The following TRIM33 variants were observed in gnomAD, a reference collection of about 807,000 sequenced individuals.
TRIM33 encodes E3 ubiquitin-protein ligase TRIM33.
A neutral mutation model predicts 125.4 loss-of-function variants in TRIM33; 20 were observed. The observed-to-expected ratio is 0.16, with a 90% CI of 0.11 to 0.23. TRIM33 has a LOEUF of 0.23. Ranked by LOEUF, TRIM33 falls within the 10% of genes least tolerant of loss-of-function variation. TRIM33 has a pLI of 1.00. For synonymous variants in TRIM33, 564 were observed against 513.9 expected, an observed-to-expected ratio of 1.10 and a Z score of -1.32; for missense variants, 920 against 1,411.4, an observed-to-expected ratio of 0.65 and a Z score of 5.58.
At position 114,393,072 on chromosome 1, in the gene TRIM33, G is replaced by C. The variant is rs1651364500; in HGVS notation, c.*4576C>G. 4.9e-6 allele frequency: 1 copy of C among 202,338 alleles called. No homozygotes were observed. The highest frequency in any genetic ancestry group is 2.3e-5 in the African/African-American group (1 of 43,644). 12.5% of individuals were successfully genotyped at this position (202,338 alleles called of 1,614,324 possible). On this transcript the variant is annotated 3_prime_UTR_variant, in exon 20 of 20. Transcript: ENST00000358465. The stretch of plus-strand genomic sequence containing the variant: ...ATACCACAGAAACAGCACTTTTTAA[G>C]AATCATATTGAAGGGCAGTTAACTA...
chr1:114,483,553 A>C (rs1159158237), intron 1 of TRIM33, among the ~76,000 whole-genome samples: 11 of 151,812 alleles, frequency 7.2e-5, no homozygotes, highest in African/African-American at 2.7e-4. Context: ...CTGCAACTAC[A>C]GGCACCCACC....
At chr1:114,443,385 A>AAATGAATG (rs372157103) in intron 4 of TRIM33, among the ~76,000 whole-genome samples, 12,502 of 149,912 alleles carry the variant, frequency 0.083, 701 homozygotes, top group African/African-American at 0.16. Context: ...CTCCATCTCA[A>AAATGAATG]AATGAATGAA....
chr1:114,440,516 A>G (rs1444214640), intron 4 of TRIM33, among the ~76,000 whole-genome samples: 1 of 152,240 alleles, frequency 6.6e-6, no homozygotes, highest in Non-Finnish European at 1.5e-5. Context: ...TATTTAAAGA[A>G]TAAAACACAG....
chr1:114,461,562 T>C (rs1232648851), intron 4 of TRIM33, among the ~76,000 whole-genome samples: 2 of 151,576 alleles, frequency 1.3e-5, no homozygotes, highest in Admixed American at 6.6e-5. Flanking sequence ...AAAAAAAACA[T>C]TTTTTTTAAA....
At chr1:114,486,580 A>C (rs1316766535) in intron 1 of TRIM33, among the ~76,000 whole-genome samples, 1 of 151,236 alleles carries the variant, frequency 6.6e-6, no homozygotes, top group Non-Finnish European at 1.5e-5. Flanking sequence ...AAAAACCAAA[A>C]ATTTAAAACT....
intron 1 of TRIM33, among the ~76,000 whole-genome samples, chr1:114,480,513 C>A (rs1435698297): frequency 2.9e-5 from 3 of 101,826 alleles, no homozygotes; most frequent in African/African-American, 6.1e-5. Context: ...AAAGGCCCTG[C>A]CCCGCCTTAA....
At chr1:114,437,334 A>C (rs899146698) in intron 4 of TRIM33, among the ~76,000 whole-genome samples, 1 of 152,116 alleles carries the variant, frequency 6.6e-6, no homozygotes, top group Non-Finnish European at 1.5e-5. Flanking sequence ...TTGCATTTTA[A>C]AGTAGTATTT....
chr1:114,451,846 T>G (rs1201871866), intron 4 of TRIM33, among the ~76,000 whole-genome samples: 1 of 152,138 alleles, frequency 6.6e-6, no homozygotes, highest in Non-Finnish European at 1.5e-5. Context: ...TATGCAGCAA[T>G]TATTTTAATT....
chr1:114,421,683 T>C, intron 10 of TRIM33, 47 bp from the exon 11 acceptor site: 2 of 1,577,146 alleles, frequency 1.3e-6, no homozygotes, highest in Non-Finnish European at 1.7e-6. Context: ...CCAGAATCGC[T>C]GAATATAAAC....
At chr1:114,424,783 G>T in intron 9 of TRIM33, 28 bp from the exon 10 acceptor site, 2 of 1,390,760 alleles carry the variant, frequency 1.4e-6, no homozygotes, top group Non-Finnish European at 1.9e-6. Flanking sequence ...TGCAATTTAT[G>T]TAATAATTTT....
chr1:114,458,670 T>G (rs1351442651), intron 4 of TRIM33, among the ~76,000 whole-genome samples: 3 of 152,182 alleles, frequency 2.0e-5, no homozygotes, highest in Non-Finnish European at 2.9e-5. Context: ...CCATCCTCCT[T>G]GCTCAGCCAC....
At chr1:114,417,916 A>G (rs1653037346) in intron 11 of TRIM33, among the ~76,000 whole-genome samples, 1 of 152,194 alleles carries the variant, frequency 6.6e-6, no homozygotes, top group South Asian at 2.1e-4. Flanking sequence ...TCAGCCTCCC[A>G]AAGTGCTGGG....
chr1:114,456,026 A>C (rs1041306596), intron 4 of TRIM33, among the ~76,000 whole-genome samples: 6 of 152,226 alleles, frequency 3.9e-5, no homozygotes, highest in African/African-American at 1.4e-4. Context: ...ACAGGTGTTA[A>C]GGTTAAATTG....
chr1:114,498,147 G>T (rs1427027108), intron 1 of TRIM33, among the ~76,000 whole-genome samples: 2 of 128,992 alleles, frequency 1.6e-5, no homozygotes, highest in Non-Finnish European at 3.4e-5. Context: ...AAAAAAAAAA[G>T]TTATATAATG....
chr1:114,507,361 T>C (rs893887756), intron 1 of TRIM33, among the ~76,000 whole-genome samples: 1 of 152,186 alleles, frequency 6.6e-6, no homozygotes, highest in Admixed American at 6.5e-5. Context: ...CTCTGAGAAC[T>C]GTTGATCTAG....
intron 4 of TRIM33, among the ~76,000 whole-genome samples, chr1:114,450,927 A>C (rs991444778): frequency 6.6e-6 from 1 of 152,092 alleles, no homozygotes; most frequent in Non-Finnish European, 1.5e-5. Context: ...TCTTTTTTCT[A>C]TAATTTATAC....
chr1:114,427,087 A>C, intron 8 of TRIM33, 90 bp downstream of exon 8: 4 of 611,922 alleles, frequency 6.5e-6, no homozygotes, highest in Non-Finnish European at 1.2e-5. Flanking sequence ...AGTTTTATAA[A>C]GTTAAAAATT....
intron 4 of TRIM33, among the ~76,000 whole-genome samples, chr1:114,447,254 G>C (rs1023760106): frequency 6.6e-6 from 1 of 152,160 alleles, no homozygotes; most frequent in African/African-American, 2.4e-5. Flanking sequence ...CCAGGGTAGA[G>C]GCAACAGAGG....
intron 4 of TRIM33, among the ~76,000 whole-genome samples, chr1:114,455,978 C>T (rs1223026510): frequency 6.6e-6 from 1 of 152,154 alleles, no homozygotes; most frequent in Non-Finnish European, 1.5e-5. Flanking sequence ...GACAGGGAGG[C>T]CCAAGGCACC....
Sources: gnomAD v4.1 joint callset for allele counts (sites outside exome capture counted in the v4.1 genomes callset) on GRCh38, gnomAD v4.1.1 for gene constraint, MANE v1.5 for transcripts, NCBI Gene and HGNC (gene_info 2026-07-23, HGNC 2026-07-21) for gene names.